Variants in CEP192 observed in about 807,000 individuals in gnomAD.
CEP192 encodes the protein centrosomal protein of 192 kDa.
CEP192 carries 151 observed loss-of-function variants against 271.8 expected under a neutral mutation model. That is an observed-to-expected ratio of 0.56 (90% CI 0.49 to 0.64). The LOEUF is 0.64. CEP192 is among the 30% of genes least tolerant of loss of function. The probability of loss-of-function intolerance (pLI) is 0.00; values close to 1 mark genes in which losing one functional copy is unlikely to be tolerated. For missense variants in CEP192, 2,910 were observed against 3,020.5 expected (o/e 0.96, Z 0.86); for synonymous variants, 995 against 1,076.5 (o/e 0.92, Z 1.48).
chr18:13,069,738 G>A lies in CEP192; in HGVS notation c.5056G>A (p.Val1686Ile), dbSNP rs202073683. 1.9e-4 allele frequency: 285 copies of A among 1,511,658 alleles called. 1 individual carries two copies. Among genetic ancestry groups the A allele is most frequent in the Middle Eastern group, 5.1e-4 (3 of 5,892 alleles). 93.6% of individuals were successfully genotyped at this position (1,511,658 alleles called of 1,614,324 possible). ...ATTATGATTATGTAACTATATTTAG[G>A]TCCCAGAACAAGGAAGTCACTTTTC... ...GNIEVYLDIK[V>I]PEQGSHFSVD... Residue 1686 changes from valine (V) to isoleucine (I), a missense_variant and splice_region_variant, in exon 27 of 45, where the codon GTC (valine) becomes ATC (isoleucine). By Grantham distance (29) the Val-to-Ile change is conservative (BLOSUM62 3). Coordinates refer to ENST00000506447, the MANE Select transcript of CEP192 (RefSeq NM_032142.4).
rs757154963 is a variant in CEP192, at chr18:13,114,091, T to G, written c.7168-39T>G. On this transcript the variant is annotated intron_variant, in intron 41 of 44. Transcript: ENST00000506447. Reference sequence around the variant, plus strand: ...TAAATGTCCATATATTTTCTTAGTTTTTATTTCTTCTCCGTTACCCTGTGA... The same window carrying G: ...TAAATGTCCATATATTTTCTTAGTTGTTATTTCTTCTCCGTTACCCTGTGA... 7.6e-6 allele frequency: 12 copies of G among 1,579,074 alleles called. No homozygotes were observed. The East Asian group carries it at 2.2e-4, about 29-fold the overall frequency.
intron 37 of CEP192, 137 bp downstream of exon 37, chr18:13,099,718 T>C: frequency 3.6e-6 from 2 of 553,406 alleles, no homozygotes; most frequent in Non-Finnish European, 6.4e-6. Flanking sequence ...GGGTTCCACT[T>C]CCAGGGATTC....
chr18:13,013,262 T>C (rs1453049651), intron 5 of CEP192, among the ~76,000 whole-genome samples: 1 of 152,148 alleles, frequency 6.6e-6, no homozygotes, highest in Non-Finnish European at 1.5e-5. Context: ...GCTGAGTCCA[T>C]CTGTTTGCTC....
At chr18:13,079,975 G>A (rs1350868133) in intron 30 of CEP192, among the ~76,000 whole-genome samples, 1 of 152,094 alleles carries the variant, frequency 6.6e-6, no homozygotes, top group Non-Finnish European at 1.5e-5. Context: ...TGAGGCCTCT[G>A]TTCTGTTCCA....
chr18:13,097,283 C>G (rs1374944639), intron 36 of CEP192, among the ~76,000 whole-genome samples: 1 of 152,202 alleles, frequency 6.6e-6, no homozygotes, highest in Non-Finnish European at 1.5e-5. Flanking sequence ...TGTACTGAAA[C>G]AGCTTTTCAG....
chr18:13,031,540 C>T (rs1464052378), intron 11 of CEP192, among the ~76,000 whole-genome samples: 3 of 152,140 alleles, frequency 2.0e-5, no homozygotes, highest in Non-Finnish European at 4.4e-5. Flanking sequence ...AGCCACCGCG[C>T]CCGGCCACCT....
intron 30 of CEP192, 99 bp from the exon 31 acceptor site, chr18:13,086,918 A>T: frequency 2.5e-6 from 2 of 805,832 alleles, no homozygotes; most frequent in African/African-American, 1.7e-5. Flanking sequence ...TTAAATTTTT[A>T]ATTGTATTAA....
At chr18:13,124,582 T>TC (rs756067515) in intron 44 of CEP192, 50 bp from the exon 45 acceptor site, 3 of 1,558,682 alleles carry the variant, frequency 1.9e-6, no homozygotes, top group Non-Finnish European at 2.6e-6. Context: ...TGGGACAGGG[T>TC]CACGGGTGCT....
chr18:13,074,616 C>G (rs1387850384), intron 30 of CEP192, among the ~76,000 whole-genome samples: 1 of 152,200 alleles, frequency 6.6e-6, no homozygotes, highest in Admixed American at 6.5e-5. Flanking sequence ...GAAGACAAAT[C>G]GGATCCTGGT....
intron 21 of CEP192, 61 bp from the exon 22 acceptor site, chr18:13,067,770 A>G (rs1322608567): frequency 7.0e-7 from 1 of 1,422,864 alleles, no homozygotes; most frequent in East Asian, 2.3e-5. Context: ...TGATATGAAC[A>G]TACATGTTGT....
chr18:13,099,231 C>T lies in CEP192; in HGVS notation c.6558-245C>T, dbSNP rs1445006224. 4.0e-5 allele frequency among the ~76,000 whole-genome samples: 6 copies of T among 151,576 alleles called. No homozygotes were observed. In the East Asian group the frequency reaches 5.8e-4, roughly 15 times the overall value. On this transcript the variant is annotated intron_variant, in intron 36 of 44. Transcript: ENST00000506447. The stretch of plus-strand genomic sequence containing the variant: ...GGGAGAGGGCGGCATGGTTTGTTTT[C>T]GCATGAGTTTTGCCCTTGCGTCATG...
chr18:13,067,994 T>G, intron 22 of CEP192, 38 bp downstream of exon 22: 1 of 1,601,902 alleles, frequency 6.2e-7, no homozygotes, highest in Non-Finnish European at 8.5e-7. Flanking sequence ...ATTTACAGAA[T>G]GCACTGATCT....
intron 30 of CEP192, among the ~76,000 whole-genome samples, chr18:13,077,913 C>T (rs1482272082): frequency 2.0e-5 from 3 of 151,270 alleles, no homozygotes; most frequent in Admixed American, 6.6e-5. Context: ...ATCCATCCAT[C>T]AGCTCATCTT....
rs2034449574 is a variant in CEP192 at position 13,013,003 on chromosome 18, G to A, written c.497G>A (p.Trp166Ter). 2.0e-6 allele frequency: 3 copies of A among 1,512,040 alleles called. No homozygotes were observed. The highest frequency in any genetic ancestry group is 2.7e-6 in the Non-Finnish European group (3 of 1,113,482). The allele number at this position is 1,512,040 out of a possible 1,614,324, so 93.7% of individuals were successfully genotyped here. ...CCTATTGATTTTCATTTACAGTCAT[G>A]GATGAATAATAAGGAACCCAAGGTA... ...DSPIDFHLQS[W>*]MNNKEPKIVV... The change falls in exon 5 of 45, where the codon TGG becomes TAG. Residue 166 changes from tryptophan to a stop codon, truncating the protein, a stop_gained. Coordinates refer to ENST00000506447, the MANE Select transcript of CEP192 (RefSeq NM_032142.4). LOFTEE classifies it high-confidence loss of function.
chr18:13,063,159 A>C (rs1378847885), intron 21 of CEP192, among the ~76,000 whole-genome samples: 1 of 152,216 alleles, frequency 6.6e-6, no homozygotes, highest in African/African-American at 2.4e-5. Flanking sequence ...TCCAAATCTT[A>C]GCTGTTGTAA....
chr18:13,099,216 G>T (rs1248063882), intron 36 of CEP192, among the ~76,000 whole-genome samples: 1 of 151,398 alleles, frequency 6.6e-6, no homozygotes, highest in African/African-American at 2.4e-5. Flanking sequence ...GGGAGAGGGC[G>T]GCATGGTTTG....
intron 1 of CEP192, among the ~76,000 whole-genome samples, chr18:12,992,863 G>T (rs2032961786): frequency 6.6e-6 from 1 of 152,126 alleles, no homozygotes; most frequent in African/African-American, 2.4e-5. Context: ...GGTTCTTCAT[G>T]GTTTGTGTTT....
At position 13,031,172 on chromosome 18, in the gene CEP192, C is replaced by T. The variant is rs566575010; in HGVS notation, c.1534+564C>T. Among the ~76,000 whole-genome samples, 5 of 151,448 alleles carry T rather than the reference C, an allele frequency of 3.3e-5. No homozygotes were observed. In the East Asian group the frequency reaches 7.8e-4, roughly 23 times the overall value. On this transcript the variant is annotated intron_variant, in intron 11 of 44. Coordinates refer to ENST00000506447, the MANE Select transcript of CEP192 (RefSeq NM_032142.4). ...TGTGAAGATGCTATGCTGCAACCCT[C>T]AGGGCTGAGCTCTTCTGTAACTGGA...
rs2039388854 is a variant in CEP192, at chr18:13,096,168, G to A, written c.6434-16G>A. 6.2e-7 allele frequency: 1 copy of A among 1,612,584 alleles called. No individual in the cohort carries two copies. On this transcript the variant is annotated splice_polypyrimidine_tract_variant and intron_variant, in intron 35 of 44. Transcript: ENST00000506447. ...TTGTTAAATGTAAGTCACATTTTATGTATCTGACAAAATAGGTGACATGGC... is the reference window on the plus strand; with the variant it reads ...TTGTTAAATGTAAGTCACATTTTATATATCTGACAAAATAGGTGACATGGC...
Sources: gnomAD v4.1 joint callset for allele counts (sites outside exome capture counted in the v4.1 genomes callset) on GRCh38, gnomAD v4.1.1 for gene constraint, MANE v1.5 for transcripts, NCBI Gene and HGNC (gene_info 2026-07-23, HGNC 2026-07-21) for gene names.